The following EDA variants were observed in gnomAD, a reference collection of about 807,000 sequenced individuals.
EDA encodes ectodysplasin-A.
In EDA, 2 loss-of-function variants were observed where a neutral mutation model predicts 23.6. The ratio of observed to expected loss-of-function variants is 0.08; its 90% CI spans 0.03 to 0.27. The LOEUF (loss-of-function observed/expected upper bound fraction) is 0.27, where lower values mean the gene tolerates loss of function less well. Among genes scored for constraint, EDA ranks in the 10% least tolerant of loss-of-function variants. The pLI, the probability that EDA is intolerant of heterozygous loss-of-function variation, is 1.00. For missense variants in EDA, 229 were observed against 324.2 expected, an observed-to-expected ratio of 0.71 and a Z score of 2.26; for synonymous variants, 131 against 132.0, an observed-to-expected ratio of 0.99 and a Z score of 0.05.
At chrX:69,630,941 C>G (rs574729197) in intron 1 of EDA, among the ~76,000 whole-genome samples, 153 of 111,817 alleles carry the variant, frequency 1.4e-3, no homozygotes, top group African/African-American at 4.9e-3. Flanking sequence ...TTTAGTTATT[C>G]TCTTCTAGTT....
intron 1 of EDA, among the ~76,000 whole-genome samples, chrX:69,828,469 G>A (rs1404560682): frequency 5.4e-5 from 6 of 111,863 alleles, no homozygotes; most frequent in Admixed American, 9.4e-5. Context: ...TTTTCCAGGT[G>A]CCGTTTGTCA....
Position 69,750,288 on chromosome X carries a change from T to A in EDA, c.396+133584T>A, listed in dbSNP as rs944064907. 4.8e-5 allele frequency among the ~76,000 whole-genome samples: 5 copies of A among 105,175 alleles called. No individual in the cohort carries two copies. The Admixed American group carries it at 5.2e-4, about 11-fold the overall frequency. 91.3% of individuals were successfully genotyped at this position (105,175 alleles called of 115,157 possible). A position where few individuals can be genotyped will look rare whatever the true frequency, so the allele number is the denominator to read the frequency against. ...ACATGCGGTGTTTGGTTTTCTGTCC[T>A]CGCGATAGTTTGCCCAGAATGATGG... On this transcript the variant is annotated intron_variant, in intron 1 of 7. Transcript: ENST00000374552.
intron 1 of EDA, among the ~76,000 whole-genome samples, chrX:69,921,384 T>C (rs776129386): frequency 6.8e-4 from 76 of 111,753 alleles, no homozygotes; most frequent in African/African-American, 2.4e-3. Flanking sequence ...TACACATATC[T>C]ATGAATATTT....
At chrX:69,929,706 TTGTGTGTGTGTGTGTGTGTGTGTGTG>T (rs4007701) in intron 1 of EDA, among the ~76,000 whole-genome samples, 1 of 84,332 alleles carries the variant, frequency 1.2e-5, no homozygotes, top group Non-Finnish European at 2.3e-5. Context: ...CATTCTATTT[TTGTGTGTGTGTGTGTGTGTGTGTGTG>T]TGTGTGTGTG....
Position 69,954,659 on chromosome X carries a change from C to T in EDA, c.397-2368C>T, listed in dbSNP as rs144381396. Among the ~76,000 whole-genome samples, 238 of 111,658 alleles carry T rather than the reference C, an allele frequency of 2.1e-3. 1 individual carries two copies. In the East Asian group the frequency reaches 0.063, roughly 30 times the overall value. On this transcript the variant is annotated intron_variant, in intron 1 of 7. Transcript: ENST00000374552. Reference sequence around the variant, plus strand: ...AACACTGAAGTAAATATTGCTATTACGGGGTTTTTTTAGTTTTTAAGTTCA... The same window carrying T: ...AACACTGAAGTAAATATTGCTATTATGGGGTTTTTTTAGTTTTTAAGTTCA...
At chrX:70,006,659 G>A (rs1182912823) in intron 2 of EDA, among the ~76,000 whole-genome samples, 2 of 111,623 alleles carry the variant, frequency 1.8e-5, no homozygotes, top group Non-Finnish European at 3.8e-5. Flanking sequence ...AGTTCTTTAT[G>A]TATTTTGGAT....
At chrX:69,758,937 A>G (rs1322960432) in intron 1 of EDA, among the ~76,000 whole-genome samples, 1 of 112,249 alleles carries the variant, frequency 8.9e-6, no homozygotes, top group African/African-American at 3.2e-5. Context: ...GTCAAGTTGG[A>G]GGTTTTGGGT....
intron 1 of EDA, among the ~76,000 whole-genome samples, chrX:69,712,192 T>G (rs1006796018): frequency 1.8e-5 from 2 of 111,770 alleles, no homozygotes; most frequent in African/African-American, 3.3e-5. Flanking sequence ...CTGGTATGTT[T>G]TGTCTTTGTT....
chrX:69,683,808 G>T lies in EDA; in HGVS notation c.396+67104G>T, dbSNP rs756191584. Reference sequence around the variant, plus strand: ...CAGATTTCTAAGTCATACTTCCAAGGTATTAAATCTCTGTGCAATTTATTT... The same window carrying T: ...CAGATTTCTAAGTCATACTTCCAAGTTATTAAATCTCTGTGCAATTTATTT... On this transcript the variant is annotated intron_variant, in intron 1 of 7. Transcript: ENST00000374552. Among the ~76,000 whole-genome samples, 8 of 112,088 alleles carry T rather than the reference G, an allele frequency of 7.1e-5. No homozygotes were observed. In the South Asian group the frequency reaches 2.9e-3, roughly 41 times the overall value.
At position 69,695,512 on chromosome X, in the gene EDA, C is replaced by CTTTTTTT. The variant is rs34298428; in HGVS notation, c.396+78819_396+78825dup. ...CTCAGTTTTCCTTCTTTCCTTCTTTCTTTTTTTTTTTTTTTTTGACGGAGT... is the reference window on the plus strand; with the variant it reads ...CTCAGTTTTCCTTCTTTCCTTCTTTCTTTTTTTTTTTTTTTTTTTTTTTTGACGGAGT... On this transcript the variant is annotated intron_variant, in intron 1 of 7. Coordinates refer to ENST00000374552, the MANE Select transcript of EDA (RefSeq NM_001399.5). 1.7e-4 allele frequency among the ~76,000 whole-genome samples: 15 copies of CTTTTTTT among 88,825 alleles called. 1 individual carries two copies. The highest frequency in any genetic ancestry group is 2.4e-4 in the Non-Finnish European group (11 of 45,288). The allele number at this position is 88,825 out of a possible 115,157, so 77.1% of individuals were successfully genotyped here.
At chrX:69,808,618 C>G (rs2015869332) in intron 1 of EDA, among the ~76,000 whole-genome samples, 1 of 111,283 alleles carries the variant, frequency 9.0e-6, no homozygotes, top group Non-Finnish European at 1.9e-5. Context: ...CATAACTGTG[C>G]TCCTGAAAGA....
intron 1 of EDA, among the ~76,000 whole-genome samples, chrX:69,622,076 T>G (rs1831564905): frequency 9.0e-6 from 1 of 110,785 alleles, no homozygotes; most frequent in Admixed American, 9.5e-5. Flanking sequence ...TGTATTTTTG[T>G]ATATTATTTC....
intron 1 of EDA, among the ~76,000 whole-genome samples, chrX:69,715,077 T>G (rs964748576): frequency 1.7e-4 from 15 of 86,036 alleles, no homozygotes; most frequent in Admixed American, 3.7e-4. Context: ...TTTTTTTTTT[T>G]TTTTTTACTT....
chrX:69,840,545 T>C (rs1436573107), intron 1 of EDA, among the ~76,000 whole-genome samples: 1 of 111,938 alleles, frequency 8.9e-6, no homozygotes, highest in Non-Finnish European at 1.9e-5. Context: ...AATGATCATA[T>C]GTATTATTTG....
chrX:69,668,427 T>G (rs1245437970), intron 1 of EDA, among the ~76,000 whole-genome samples: 1 of 112,108 alleles, frequency 8.9e-6, no homozygotes, highest in Non-Finnish European at 1.9e-5. Flanking sequence ...AAATGTATAT[T>G]CAGCTGCTCT....
rs751293381 is a variant in EDA at position 69,782,366 on chromosome X, T to TAAAAAAAAAAAA, written c.396+165677_396+165688dup. On this transcript the variant is annotated intron_variant, in intron 1 of 7. Coordinates refer to ENST00000374552, the MANE Select transcript of EDA (RefSeq NM_001399.5). ...GTAGACAAATAACATTAAATGCTCT[T>TAAAAAAAAAAAA]AAAAAAAAAAAAAAAAAAAAAAAAA... Among the ~76,000 whole-genome samples, 60 of 65,454 alleles carry TAAAAAAAAAAAA rather than the reference T, an allele frequency of 9.2e-4. 1 individual carries two copies. The highest frequency in any genetic ancestry group is 4.4e-3 in the African/African-American group (57 of 13,096). 56.8% of individuals were successfully genotyped at this position (65,454 alleles called of 115,157 possible).
chrX:69,887,152 A>G (rs2017841534), intron 1 of EDA, among the ~76,000 whole-genome samples: 1 of 111,181 alleles, frequency 9.0e-6, no homozygotes, highest in African/African-American at 3.3e-5. Flanking sequence ...CATCTCTACA[A>G]AAATAATTAA....
intron 2 of EDA, among the ~76,000 whole-genome samples, chrX:69,975,070 A>G (rs181873794): frequency 1.8e-5 from 2 of 111,921 alleles, no homozygotes; most frequent in East Asian, 5.6e-4. Context: ...TGCTCAAAGA[A>G]CTAAAAGTAG....
intron 1 of EDA, among the ~76,000 whole-genome samples, chrX:69,732,788 C>A (rs1299526806): frequency 4.5e-5 from 5 of 111,917 alleles, no homozygotes; most frequent in African/African-American, 1.6e-4. Context: ...TAATGATCGC[C>A]ATTCTAACTA....
Sources: allele counts gnomAD v4.1 joint callset (sites outside exome capture counted in the v4.1 genomes callset), GRCh38; gene constraint gnomAD v4.1.1; transcripts MANE v1.5; gene names NCBI Gene and HGNC (gene_info 2026-07-23, HGNC 2026-07-21).